Variants in NEMF observed in about 807,000 individuals in gnomAD.
The protein encoded by NEMF is ribosome quality control complex subunit NEMF.
Under a neutral mutation model 162.2 loss-of-function variants are expected in NEMF, and 89 were observed. That is an observed-to-expected ratio of 0.55 (90% CI 0.46 to 0.65). NEMF has a LOEUF of 0.65. Ranked by LOEUF, NEMF falls within the 30% of genes least tolerant of loss-of-function variation. NEMF has a pLI of 0.00. For synonymous variants in NEMF, 421 were observed against 404.5 expected, an observed-to-expected ratio of 1.04 and a Z score of -0.49; for missense variants, 1,133 against 1,261.9, an observed-to-expected ratio of 0.90 and a Z score of 1.55.
chr14:49,825,212 A>G (rs906389363), intron 16 of NEMF, among the ~76,000 whole-genome samples: 4 of 152,248 alleles, frequency 2.6e-5, no homozygotes, highest in Admixed American at 6.5e-5. Context: ...TGCCAATGCT[A>G]TTAATCTTGA....
intron 4 of NEMF, among the ~76,000 whole-genome samples, chr14:49,841,718 T>C (rs1893222323): frequency 6.6e-6 from 1 of 152,176 alleles, no homozygotes; most frequent in African/African-American, 2.4e-5. Flanking sequence ...TATAGTTAAT[T>C]ATACCATTTG....
At chr14:49,840,914 A>G (rs1017434208) in intron 4 of NEMF, 48 bp from the exon 5 acceptor site, 1 of 1,558,692 alleles carries the variant, frequency 6.4e-7, no homozygotes, top group Non-Finnish European at 8.7e-7. Context: ...ATAATTTTTG[A>G]GGCCAGGCAC....
At chr14:49,841,843 C>T (rs1431859755) in intron 4 of NEMF, among the ~76,000 whole-genome samples, 4 of 152,116 alleles carry the variant, frequency 2.6e-5, no homozygotes, top group Admixed American at 6.5e-5. Flanking sequence ...CAGTGGCTCA[C>T]GCCTGTAATC....
intron 16 of NEMF, among the ~76,000 whole-genome samples, chr14:49,824,789 A>G (rs1892258255): frequency 6.6e-6 from 1 of 152,088 alleles, no homozygotes; most frequent in South Asian, 2.1e-4. Context: ...TCTGCTTTCT[A>G]TACACCCTTT....
At chr14:49,833,358 G>T in intron 8 of NEMF, 65 bp downstream of exon 8, 1 of 935,426 alleles carries the variant, frequency 1.1e-6, no homozygotes, top group South Asian at 1.8e-5. Context: ...ATCCTTTAAT[G>T]AACGTTTAAT....
At chr14:49,803,385 G>A in intron 19 of NEMF, 91 bp from the exon 20 acceptor site, 2 of 821,496 alleles carry the variant, frequency 2.4e-6, no homozygotes, top group Non-Finnish European at 1.9e-6. Context: ...TCAGAGTCAA[G>A]TAAGCCACAC....
intron 16 of NEMF, chr14:49,820,453 G>A (rs1485608027): frequency 2.2e-6 from 1 of 456,416 alleles, no homozygotes. Flanking sequence ...CTCCGTTTCA[G>A]ATTCTGAAAG....
Position 49,782,326 on chromosome 14 carries a change from T to G in NEMF, c.*2310A>C, listed in dbSNP as rs1233161686. ...TATTCTGTAGTATAAAATGGCCAAC[T>G]GGTGTTCTGGGTGGCTTCAAACTCG... On this transcript the variant is annotated 3_prime_UTR_variant, in exon 33 of 33. Transcript: ENST00000298310. 1 of 1,330,506 alleles carries G rather than the reference T, an allele frequency of 7.5e-7. No homozygotes were observed. Among genetic ancestry groups the G allele is most frequent in the African/African-American group, 1.5e-5 (1 of 68,706 alleles). The allele number at this position is 1,330,506 out of a possible 1,614,324, so 82.4% of individuals were successfully genotyped here. A position where few individuals can be genotyped will look rare whatever the true frequency, so the allele number is the denominator to read the frequency against.
Position 49,795,849 on chromosome 14 carries a change from G to T in NEMF, c.2561C>A (p.Thr854Asn). ...AACATTTTTGCTTGTGTTCTGATGA[G>T]TTTCAATGTGTACAGTACTTTCTTT... ...KEKESTVHIE[T>N]HQNTSKNVAA... Residue 854 changes from threonine to asparagine, a missense_variant, in exon 26 of 33, where the codon ACT becomes AAT. Physicochemically the swap from Thr to Asn is moderately conservative, Grantham distance 65. Coordinates refer to ENST00000298310, the MANE Select transcript of NEMF (RefSeq NM_004713.6). 1.9e-6 allele frequency: 3 copies of T among 1,613,458 alleles called. No individual in the cohort carries two copies. The highest frequency in any genetic ancestry group is 2.5e-6 in the Non-Finnish European group (3 of 1,179,704).
chr14:49,831,359 C>T lies in NEMF; in HGVS notation c.885G>A (p.Ala295=), dbSNP rs146119309. The change falls in exon 11 of 33, where the codon GCG becomes GCA. Residue 295 remains alanine (A), a splice_region_variant and synonymous_variant. Coordinates refer to ENST00000298310, the MANE Select transcript of NEMF (RefSeq NM_004713.6). ...CTATCTTGGAATAAAATTCATCCAC[C>T]GCCTTATTAAAAAAACAAACAACTA... ...PYIEFESFDK[A]VDEFYSKIEG... is the part of the protein sequence containing the mutation. 3.6e-5 allele frequency: 57 copies of T among 1,593,720 alleles called. No homozygotes were observed. The African/African-American group carries it at 4.0e-4, about 11-fold the overall frequency.
At chr14:49,799,969 C>T (rs1301766602) in intron 23 of NEMF, among the ~76,000 whole-genome samples, 3 of 152,172 alleles carry the variant, frequency 2.0e-5, no homozygotes, top group South Asian at 2.1e-4. Flanking sequence ...TCTGTTTTCA[C>T]CAAGAAGGAA....
chr14:49,826,792 A>G (rs1298066031), intron 15 of NEMF, among the ~76,000 whole-genome samples: 1 of 152,132 alleles, frequency 6.6e-6, no homozygotes, highest in Admixed American at 6.6e-5. Context: ...AAATAAACAT[A>G]TGTTGGGCTG....
At chr14:49,834,494 C>A in intron 6 of NEMF, 45 bp from the exon 7 acceptor site, 10 of 1,371,560 alleles carry the variant, frequency 7.3e-6, no homozygotes, top group Non-Finnish European at 1.0e-5. Context: ...CCTATAAATT[C>A]TTTTTTGTTT....
intron 16 of NEMF, 30 bp from the exon 17 acceptor site, chr14:49,814,887 T>G: frequency 7.8e-7 from 1 of 1,278,904 alleles, no homozygotes; most frequent in African/African-American, 1.5e-5. Context: ...AAAGTTAACT[T>G]TTCTTTATAG....
intron 11 of NEMF, among the ~76,000 whole-genome samples, chr14:49,829,715 C>T (rs570115776): frequency 6.6e-6 from 1 of 152,302 alleles, no homozygotes; most frequent in Admixed American, 6.5e-5. Flanking sequence ...TTCAAACAGG[C>T]AGAAATCAAG....
At chr14:49,819,903 AAT>A (rs1891912356) in intron 16 of NEMF, among the ~76,000 whole-genome samples, 1 of 151,916 alleles carries the variant, frequency 6.6e-6, no homozygotes, top group Admixed American at 6.6e-5. Flanking sequence ...ACCTTTGGGA[AAT>A]GATTTCAGAG....
At chr14:49,813,772 T>TA (rs1891592243) in intron 18 of NEMF, among the ~76,000 whole-genome samples, 3 of 151,974 alleles carry the variant, frequency 2.0e-5, no homozygotes, top group Middle Eastern at 3.4e-3. Context: ...CCCAGCTTTT[T>TA]AAAAAAATTT....
chr14:49,822,510 G>C (rs1400480319), intron 16 of NEMF, among the ~76,000 whole-genome samples: 2 of 150,416 alleles, frequency 1.3e-5, no homozygotes, highest in African/African-American at 4.9e-5. Context: ...AACAGAGCTA[G>C]GACTCTGTCT....
In NEMF at chr14:49,802,323, C is replaced by T. The variant is rs139822631; in HGVS notation, c.2095+130G>A. 7.9e-3 allele frequency: 7,045 copies of T among 891,768 alleles called. 47 individuals are homozygous for T. Among genetic ancestry groups the T allele is most frequent in the Non-Finnish European group, 0.01 (6,226 of 599,310 alleles). The allele number at this position is 891,768 out of a possible 1,614,324, so 55.2% of individuals were successfully genotyped here. ...AAAAAAAAAATTCAGTAAAACAGCACGTACTTTGGGTTTTCGGGGTTTTTT... is the reference window on the plus strand; with the variant it reads ...AAAAAAAAAATTCAGTAAAACAGCATGTACTTTGGGTTTTCGGGGTTTTTT... On this transcript the variant is annotated intron_variant, in intron 22 of 32. Transcript: ENST00000298310.
Sources: gnomAD v4.1 joint callset for allele counts (sites outside exome capture counted in the v4.1 genomes callset) on GRCh38, gnomAD v4.1.1 for gene constraint, MANE v1.5 for transcripts, NCBI Gene and HGNC (gene_info 2026-07-23, HGNC 2026-07-21) for gene names.